The following PARD3B variants were observed in gnomAD, a reference collection of about 807,000 sequenced individuals.
PARD3B encodes par-3 family cell polarity regulator beta.
In PARD3B, 103 loss-of-function variants were observed where a neutral mutation model predicts 130.2. That is an observed-to-expected ratio of 0.79 (90% CI 0.67 to 0.93). The LOEUF is 0.93. PARD3B is among the 40% of genes least tolerant of loss of function. The pLI is 0.00. For synonymous variants in PARD3B, 583 were observed against 553.2 expected (o/e 1.05, Z -0.76); for missense variants, 1,609 against 1,499.2 (o/e 1.07, Z -1.21).
At chr2:205,392,913 T>C (rs1456881673) in intron 18 of PARD3B, among the ~76,000 whole-genome samples, 1 of 152,176 alleles carries the variant, frequency 6.6e-6, no homozygotes, top group Admixed American at 6.5e-5. Flanking sequence ...TATTATTCTA[T>C]CAATAATATT....
chr2:205,318,668 G>A (rs766039605), intron 18 of PARD3B, among the ~76,000 whole-genome samples: 1 of 152,108 alleles, frequency 6.6e-6, no homozygotes, highest in Non-Finnish European at 1.5e-5. Flanking sequence ...AATAGTTCTT[G>A]CATTGTTAAA....
intron 3 of PARD3B, among the ~76,000 whole-genome samples, chr2:205,026,108 G>A (rs892457667): frequency 3.3e-5 from 5 of 152,170 alleles, no homozygotes; most frequent in African/African-American, 9.7e-5. Context: ...ATGCACAAGA[G>A]TCTCTCTGAT....
intron 3 of PARD3B, among the ~76,000 whole-genome samples, chr2:205,008,566 A>G (rs1033782886): frequency 6.6e-6 from 1 of 152,146 alleles, no homozygotes; most frequent in African/African-American, 2.4e-5. Context: ...TTGCTCTACT[A>G]TTAGATTTAT....
chr2:205,302,395 G>C (rs980709200), intron 18 of PARD3B, among the ~76,000 whole-genome samples: 2 of 152,132 alleles, frequency 1.3e-5, no homozygotes, highest in African/African-American at 4.8e-5. Context: ...CAGGCACAGT[G>C]GTGCATACCT....
intron 16 of PARD3B, among the ~76,000 whole-genome samples, chr2:205,261,005 G>A (rs1018278976): frequency 3.3e-5 from 5 of 151,902 alleles, no homozygotes; most frequent in Admixed American, 2.6e-4. Flanking sequence ...ATCTCAAATT[G>A]CAAGTTTGCT....
At chr2:205,444,361 G>A (rs73055919) in intron 20 of PARD3B, among the ~76,000 whole-genome samples, 6,698 of 152,242 alleles carry the variant, frequency 0.044, 513 homozygotes, top group African/African-American at 0.15. Flanking sequence ...GGCTGAGGTG[G>A]GAGGATGGCT....
intron 12 of PARD3B, among the ~76,000 whole-genome samples, chr2:205,173,418 G>C (rs1035056580): frequency 6.6e-6 from 1 of 152,134 alleles, no homozygotes; most frequent in Non-Finnish European, 1.5e-5. Flanking sequence ...TTAGTGCTTG[G>C]TATTCATAGA....
At chr2:204,825,558 G>A (rs556867748) in intron 2 of PARD3B, among the ~76,000 whole-genome samples, 2 of 152,318 alleles carry the variant, frequency 1.3e-5, no homozygotes, top group East Asian at 1.9e-4. Context: ...TTCTTTGCGA[G>A]CTCTTTCATT....
intron 20 of PARD3B, among the ~76,000 whole-genome samples, chr2:205,478,132 C>A (rs760169216): frequency 6.6e-5 from 10 of 152,200 alleles, no homozygotes; most frequent in Non-Finnish European, 1.2e-4. Flanking sequence ...TATTAATTCA[C>A]GTGCAATGAA....
intron 16 of PARD3B, among the ~76,000 whole-genome samples, chr2:205,277,522 C>CT (rs1234444728): frequency 1.3e-5 from 2 of 152,092 alleles, no homozygotes; most frequent in Non-Finnish European, 2.9e-5. Context: ...CTCCTAATTT[C>CT]TTTTTTGACA....
intron 1 of PARD3B, among the ~76,000 whole-genome samples, chr2:204,608,765 T>G (rs1352135503): frequency 1.3e-5 from 2 of 152,200 alleles, no homozygotes; most frequent in Non-Finnish European, 2.9e-5. Flanking sequence ...CATACAAGAC[T>G]TCTATGCTTT....
chr2:205,178,123 T>C (rs900737149), intron 13 of PARD3B, among the ~76,000 whole-genome samples: 1 of 94,550 alleles, frequency 1.1e-5, no homozygotes, highest in Non-Finnish European at 1.9e-5. Context: ...CAGCCCAACA[T>C]GGCAAAATCC....
chr2:204,672,443 G>A (rs1019603234), intron 1 of PARD3B, among the ~76,000 whole-genome samples: 2 of 152,170 alleles, frequency 1.3e-5, no homozygotes, highest in Non-Finnish European at 2.9e-5. Flanking sequence ...AACTGTTTGT[G>A]ATAGAGGACC....
chr2:205,056,999 T>C (rs1699681494), intron 4 of PARD3B, among the ~76,000 whole-genome samples: 1 of 151,592 alleles, frequency 6.6e-6, no homozygotes, highest in Non-Finnish European at 1.5e-5. Flanking sequence ...TGATATAAGG[T>C]TATGGCATGT....
chr2:205,127,296 CAAAAAA>C (rs34822432), intron 10 of PARD3B, among the ~76,000 whole-genome samples: 1 of 100,656 alleles, frequency 9.9e-6, no homozygotes. Context: ...GACTCTGTCT[CAAAAAA>C]AAAAAAAAAA....
chr2:204,978,433 G>C (rs1472259491), intron 3 of PARD3B, among the ~76,000 whole-genome samples: 1 of 152,064 alleles, frequency 6.6e-6, no homozygotes, highest in Non-Finnish European at 1.5e-5. Context: ...TTTTCTATTT[G>C]TATTCAGACA....
intron 20 of PARD3B, 101 bp from the exon 21 acceptor site, chr2:205,499,795 C>T: frequency 7.9e-7 from 1 of 1,258,534 alleles, no homozygotes; most frequent in Non-Finnish European, 1.1e-6. Context: ...ATTATTGAAT[C>T]TTCCAAATTT....
chr2:205,603,528 G>T (rs1393370105), intron 22 of PARD3B, among the ~76,000 whole-genome samples: 1 of 152,148 alleles, frequency 6.6e-6, no homozygotes, highest in East Asian at 1.9e-4. Context: ...ATGAATCTGG[G>T]TGCTCCTGTA....
intron 19 of PARD3B, among the ~76,000 whole-genome samples, chr2:205,432,404 C>T (rs749217665): frequency 6.6e-6 from 1 of 152,076 alleles, no homozygotes; most frequent in African/African-American, 2.4e-5. Context: ...GAGTAAAAAC[C>T]GAACTCTACC....
Sources: allele counts gnomAD v4.1 joint callset (sites outside exome capture counted in the v4.1 genomes callset), GRCh38; gene constraint gnomAD v4.1.1; transcripts MANE v1.5; gene names NCBI Gene and HGNC (gene_info 2026-07-23, HGNC 2026-07-21).